The following SLX4IP variants were observed in gnomAD, a reference collection of about 807,000 sequenced individuals.
SLX4IP encodes the protein SLX4 interacting protein, also known as protein SLX4IP.
A neutral mutation model predicts 32.9 loss-of-function variants in SLX4IP; 34 were observed. That is an observed-to-expected ratio of 1.03 (90% CI 0.79 to 1.38). The LOEUF is 1.38. SLX4IP is among the 40% of genes most tolerant of loss of function. SLX4IP has a pLI of 0.00. For synonymous variants in SLX4IP, 172 were observed against 171.7 expected (o/e 1.00, Z -0.01); for missense variants, 444 against 479.0 (o/e 0.93, Z 0.68).
intron 2 of SLX4IP, among the ~76,000 whole-genome samples, chr20:10,489,384 A>G (rs986089844): frequency 1.3e-5 from 2 of 152,178 alleles, no homozygotes; most frequent in Non-Finnish European, 2.9e-5. Flanking sequence ...ATACATTTTA[A>G]ATAATACCAC....
chr20:10,564,997 G>T (rs1174558537), intron 4 of SLX4IP, among the ~76,000 whole-genome samples: 1 of 152,032 alleles, frequency 6.6e-6, no homozygotes, highest in African/African-American at 2.4e-5. Flanking sequence ...TGACAGAACT[G>T]CATATTTATA....
At chr20:10,546,183 G>A (rs1394424441) in intron 2 of SLX4IP, among the ~76,000 whole-genome samples, 1 of 152,180 alleles carries the variant, frequency 6.6e-6, no homozygotes, top group South Asian at 2.1e-4. Flanking sequence ...CACTAAATAT[G>A]AGTGATGCTT....
chr20:10,590,122 T>TG (rs1465406599), intron 4 of SLX4IP, among the ~76,000 whole-genome samples: 1 of 152,160 alleles, frequency 6.6e-6, no homozygotes, highest in Admixed American at 6.5e-5. Flanking sequence ...CAAATAAATA[T>TG]GGGAACAATT....
At chr20:10,504,292 G>C (rs2065741187) in intron 2 of SLX4IP, among the ~76,000 whole-genome samples, 1 of 152,196 alleles carries the variant, frequency 6.6e-6, no homozygotes, top group Admixed American at 6.5e-5. Flanking sequence ...CACTGGAAGA[G>C]TGGACAGATT....
chr20:10,500,494 T>C (rs949846570), intron 2 of SLX4IP, among the ~76,000 whole-genome samples: 1 of 152,170 alleles, frequency 6.6e-6, no homozygotes, highest in Middle Eastern at 3.2e-3. Flanking sequence ...CTCATACCTA[T>C]AGTTCTAGCA....
chr20:10,477,272 G>C (rs2065483429), intron 2 of SLX4IP, among the ~76,000 whole-genome samples: 1 of 152,050 alleles, frequency 6.6e-6, no homozygotes, highest in Non-Finnish European at 1.5e-5. Flanking sequence ...TCAGCCTCCT[G>C]AGTAGCTGGG....
In SLX4IP at chr20:10,586,165, G is replaced by T. The variant is rs149195565; in HGVS notation, c.239-12510G>T. Among the ~76,000 whole-genome samples the T allele has an allele frequency of 3.1e-3, 466 of 152,222 alleles. 6 individuals carry two copies. The highest frequency in any genetic ancestry group is 0.011 in the African/African-American group (438 of 41,524). On this transcript the variant is annotated intron_variant, in intron 4 of 7. Transcript: ENST00000334534. ...TCTTGTTAGTCCTATGGCTACTGAT[G>T]ATCCTTGCCTTCTCCCACTTGACTT...
intron 4 of SLX4IP, among the ~76,000 whole-genome samples, chr20:10,593,438 T>TA (rs374915354): frequency 1.2e-3 from 179 of 147,588 alleles, no homozygotes; most frequent in African/African-American, 3.7e-3. Context: ...CAACTGAGGT[T>TA]AAAAAAAAAA....
intron 1 of SLX4IP, among the ~76,000 whole-genome samples, chr20:10,457,292 T>C (rs1015579310): frequency 1.3e-5 from 2 of 152,160 alleles, no homozygotes; most frequent in Non-Finnish European, 2.9e-5. Flanking sequence ...AAGACATGTC[T>C]CTCATCTTAA....
chr20:10,526,308 T>C (rs1485207422), intron 2 of SLX4IP, among the ~76,000 whole-genome samples: 1 of 152,230 alleles, frequency 6.6e-6, no homozygotes, highest in Non-Finnish European at 1.5e-5. Flanking sequence ...ATAATTTAGC[T>C]CTTGCTCAAC....
intron 2 of SLX4IP, among the ~76,000 whole-genome samples, chr20:10,477,120 A>G (rs1041870489): frequency 6.6e-6 from 1 of 152,160 alleles, no homozygotes; most frequent in Non-Finnish European, 1.5e-5. Context: ...CTTAGGTTCT[A>G]AAGATACCAG....
chr20:10,559,846 G>A (rs1299136970), intron 3 of SLX4IP, among the ~76,000 whole-genome samples: 3 of 152,138 alleles, frequency 2.0e-5, no homozygotes, highest in Non-Finnish European at 4.4e-5. Context: ...TTCACTGTTA[G>A]TACATGAGTG....
intron 4 of SLX4IP, among the ~76,000 whole-genome samples, chr20:10,577,537 A>G (rs2066535812): frequency 6.6e-6 from 1 of 151,632 alleles, no homozygotes; most frequent in Admixed American, 6.6e-5. Flanking sequence ...GCAACATAAC[A>G]AGGTTCTGTC....
chr20:10,613,659 T>G (rs2066993680), intron 6 of SLX4IP: 3 of 1,614,050 alleles, frequency 1.9e-6, no homozygotes, highest in South Asian at 1.1e-5. Context: ...TTTCTTTGCA[T>G]TCATCTTTTG....
intron 2 of SLX4IP, among the ~76,000 whole-genome samples, chr20:10,501,304 A>G (rs1488931319): frequency 6.6e-6 from 1 of 152,154 alleles, no homozygotes; most frequent in Non-Finnish European, 1.5e-5. Flanking sequence ...AAAGAAACTA[A>G]TGCTTTAATT....
Position 10,560,707 on chromosome 20 carries a change from G to T in SLX4IP, c.125G>T (p.Cys42Phe). The change falls in exon 4 of 8, where the codon TGT becomes TTT. Residue 42 changes from cysteine (C) to phenylalanine (F), a missense_variant. By Grantham distance (205) the Cys-to-Phe change is radical. Transcript: ENST00000334534. ...WFSEQKKEEV[C>F]LLLKETIDSR... is the part of the protein sequence containing the mutation. ...ATTTTTTATTTGCTTTAGGAAGTCT[G>T]TTTACTGTTAAAAGAAACCATTGAT... The T allele has an allele frequency of 6.3e-7, 1 of 1,582,050 alleles. No homozygotes were observed. Among genetic ancestry groups the T allele is most frequent in the Non-Finnish European group, 8.6e-7 (1 of 1,165,270 alleles).
At chr20:10,574,242 C>A (rs151266492) in intron 4 of SLX4IP, among the ~76,000 whole-genome samples, 7 of 152,074 alleles carry the variant, frequency 4.6e-5, no homozygotes, top group Non-Finnish European at 8.8e-5. Context: ...TTCAAAAAAA[C>A]GTGATGTACA....
At chr20:10,530,526 A>C (rs2065979712) in intron 2 of SLX4IP, among the ~76,000 whole-genome samples, 1 of 152,196 alleles carries the variant, frequency 6.6e-6, no homozygotes, top group Admixed American at 6.5e-5. Flanking sequence ...GCACATTTCC[A>C]TGGAGTCTGC....
At chr20:10,621,220 T>C in intron 6 of SLX4IP, 94 bp from the exon 7 acceptor site, 2 of 1,119,484 alleles carry the variant, frequency 1.8e-6, no homozygotes, top group Non-Finnish European at 2.7e-6. Context: ...TTTACAAAAA[T>C]AAATGTGTTC....
Sources: allele counts gnomAD v4.1 joint callset (sites outside exome capture counted in the v4.1 genomes callset), GRCh38; gene constraint gnomAD v4.1.1; transcripts MANE v1.5; gene names NCBI Gene and HGNC (gene_info 2026-07-23, HGNC 2026-07-21).